CRYBG1: variants seen among roughly 807,000 people sequenced by gnomAD.
CRYBG1 encodes crystallin beta-gamma domain containing 1.
Under a neutral mutation model 189.2 loss-of-function variants are expected in CRYBG1, and 139 were observed. The observed-to-expected ratio is 0.73, with a 90% CI of 0.64 to 0.85. The LOEUF (loss-of-function observed/expected upper bound fraction) is 0.85. Among genes scored for constraint, CRYBG1 ranks in the 40% least tolerant of loss-of-function variants. CRYBG1 has a pLI of 0.00. For missense variants in CRYBG1, 2,611 were observed against 2,675.8 expected (o/e 0.98, Z 0.53); for synonymous variants, 1,023 against 1,017.1 (o/e 1.01, Z -0.11).
At chr6:106,463,958 C>T (rs990350671) in intron 2 of CRYBG1, among the ~76,000 whole-genome samples, 6 of 152,092 alleles carry the variant, frequency 3.9e-5, no homozygotes, top group Non-Finnish European at 7.3e-5. Context: ...TAATTTTCAA[C>T]CAGTCACATG....
At chr6:106,439,025 C>T (rs1396316294) in intron 1 of CRYBG1, among the ~76,000 whole-genome samples, 2 of 143,670 alleles carry the variant, frequency 1.4e-5, no homozygotes, top group Non-Finnish European at 3.0e-5. Flanking sequence ...CATAGTGAGA[C>T]CTGGTATCAA....
At chr6:106,544,733 C>T (rs1774223961) in intron 12 of CRYBG1, 36 bp downstream of exon 12, 2 of 1,607,242 alleles carry the variant, frequency 1.2e-6, no homozygotes, top group East Asian at 4.5e-5. Flanking sequence ...AATACTTGGT[C>T]TTCTTTGGAT....
chr6:106,559,954 G>A (rs1365679139), intron 18 of CRYBG1, among the ~76,000 whole-genome samples: 1 of 151,480 alleles, frequency 6.6e-6, no homozygotes, highest in African/African-American at 2.4e-5. Flanking sequence ...AATTAGTCGG[G>A]TGTGGTGGTG....
At chr6:106,384,376 C>T (rs552121016) in intron 1 of CRYBG1, among the ~76,000 whole-genome samples, 4 of 152,218 alleles carry the variant, frequency 2.6e-5, no homozygotes, top group African/African-American at 9.6e-5. Flanking sequence ...GTGCATTACA[C>T]TTATTGTGCA....
At chr6:106,426,102 G>C (rs1209517542) in intron 1 of CRYBG1, among the ~76,000 whole-genome samples, 13 of 151,454 alleles carry the variant, frequency 8.6e-5, no homozygotes, top group Admixed American at 8.5e-4. Context: ...TTTTTATTCT[G>C]AGAAAACTAA....
At position 106,512,372 on chromosome 6, in the gene CRYBG1, G is replaced by A; in HGVS notation, c.1255G>A (p.Gly419Arg). The A allele has an allele frequency of 3.1e-6, 5 of 1,611,308 alleles. No homozygotes were observed. Among genetic ancestry groups the A allele is most frequent in the Non-Finnish European group, 4.2e-6 (5 of 1,179,332 alleles). ...MEKRSSGRRS[G>R]RRRGSQKSTD... is the part of the protein sequence containing the mutation. ...GAAGAGGTCCAGCGGCCGTAGGTCG[G>A]GGAGGCGGAGGGGGTCGCAGAAATC... Residue 419 changes from glycine to arginine, a missense_variant, in exon 3 of 22, where the codon GGG (glycine) becomes AGG (arginine). Physicochemically the swap from Gly to Arg is moderately radical, Grantham distance 125. Transcript: ENST00000633556.
chr6:106,378,119 C>G (rs572437549), intron 1 of CRYBG1, among the ~76,000 whole-genome samples: 2 of 152,240 alleles, frequency 1.3e-5, no homozygotes, highest in Admixed American at 1.3e-4. Context: ...CCTGTCACCC[C>G]CCGGTCATCC....
chr6:106,438,116 A>G (rs1460972137), intron 1 of CRYBG1, among the ~76,000 whole-genome samples: 1 of 152,160 alleles, frequency 6.6e-6, no homozygotes, highest in African/African-American at 2.4e-5. Flanking sequence ...GTGCTTTACT[A>G]AGAGACAGCC....
At chr6:106,377,640 TATATATA>T (rs1770197242) in intron 1 of CRYBG1, among the ~76,000 whole-genome samples, 4 of 148,426 alleles carry the variant, frequency 2.7e-5, no homozygotes, top group African/African-American at 1.0e-4. Context: ...TATATATATA[TATATATA>T]TTTTCATTTG....
chr6:106,513,456 C>T (rs1250537686), intron 3 of CRYBG1, among the ~76,000 whole-genome samples: 1 of 152,196 alleles, frequency 6.6e-6, no homozygotes, highest in Admixed American at 6.5e-5. Context: ...ATGTTAAATA[C>T]GATCCAGTAG....
intron 2 of CRYBG1, among the ~76,000 whole-genome samples, chr6:106,483,139 C>T (rs1772506355): frequency 6.6e-6 from 1 of 152,038 alleles, no homozygotes; most frequent in Non-Finnish European, 1.5e-5. Flanking sequence ...TTCCCATTCA[C>T]CTCCAATCCT....
At chr6:106,496,354 AAC>A (rs1772851511) in intron 2 of CRYBG1, among the ~76,000 whole-genome samples, 1 of 152,212 alleles carries the variant, frequency 6.6e-6, no homozygotes, top group Admixed American at 6.5e-5. Context: ...TTTAATACTT[AAC>A]ACTTTCCTTA....
rs111770766 is a variant in CRYBG1 at position 106,482,583 on chromosome 6, G to A, written c.313-28847G>A. On this transcript the variant is annotated intron_variant, in intron 2 of 21. Coordinates refer to ENST00000633556, the MANE Select transcript of CRYBG1 (RefSeq NM_001371242.2). ...AAGGTCAGGAGATCGAGACCATCCT[G>A]GCTAACACCGTGAAACCCCGTCTCT... Among the ~76,000 whole-genome samples, 1,342 of 152,168 alleles carry A rather than the reference G, an allele frequency of 8.8e-3. 14 individuals are homozygous for A. Among genetic ancestry groups the A allele is most frequent in the African/African-American group, 0.028 (1,174 of 41,514 alleles).
intron 1 of CRYBG1, among the ~76,000 whole-genome samples, chr6:106,416,955 G>GT (rs914488722): frequency 4.2e-5 from 5 of 120,106 alleles, no homozygotes; most frequent in African/African-American, 3.2e-5. Flanking sequence ...TTTACATTGA[G>GT]TTTTTTTTAC....
chr6:106,521,737 G>A (rs368622964), intron 4 of CRYBG1, among the ~76,000 whole-genome samples: 3 of 4,344 alleles, frequency 6.9e-4, no homozygotes, highest in African/African-American at 2.5e-3. Flanking sequence ...TTTTTTTTTT[G>A]AGACAGAGTC....
At chr6:106,454,563 G>A (rs55846017) in intron 2 of CRYBG1, among the ~76,000 whole-genome samples, 19,532 of 152,234 alleles carry the variant, frequency 0.13, 1,287 homozygotes, top group Non-Finnish European at 0.15. Flanking sequence ...GCAGGTTTGC[G>A]GAGGGAGTTA....
intron 1 of CRYBG1, among the ~76,000 whole-genome samples, chr6:106,400,660 C>G (rs62420811): frequency 0.09 from 13,671 of 152,110 alleles, 770 homozygotes; most frequent in South Asian, 0.14. Context: ...AAGTATCAGG[C>G]ACTATACCAG....
intron 7 of CRYBG1, among the ~76,000 whole-genome samples, chr6:106,529,626 A>G (rs1773832497): frequency 6.6e-6 from 1 of 152,228 alleles, no homozygotes; most frequent in African/African-American, 2.4e-5. Flanking sequence ...TATGCGGGGC[A>G]TGGAACAATG....
rs374411624 is a variant in CRYBG1, at chr6:106,551,996, T to G, written c.5439+18T>G. 1.9e-6 allele frequency: 3 copies of G among 1,582,144 alleles called. No individual in the cohort carries two copies. Among genetic ancestry groups the G allele is most frequent in the African/African-American group, 2.7e-5 (2 of 73,288 alleles). Reference sequence around the variant, plus strand: ...TATGTTTGGTAAGGAGTTATATTTTTGTATGAGAATATTTAACTGAATTCT... The same window carrying G: ...TATGTTTGGTAAGGAGTTATATTTTGGTATGAGAATATTTAACTGAATTCT... On this transcript the variant is annotated intron_variant, in intron 14 of 21. Coordinates refer to ENST00000633556, the MANE Select transcript of CRYBG1 (RefSeq NM_001371242.2).
Sources: gnomAD v4.1 joint callset for allele counts (sites outside exome capture counted in the v4.1 genomes callset) on GRCh38, gnomAD v4.1.1 for gene constraint, MANE v1.5 for transcripts, NCBI Gene and HGNC (gene_info 2026-07-23, HGNC 2026-07-21) for gene names.